The following SLC4A5 variants were observed in gnomAD, a reference collection of about 807,000 sequenced individuals.
SLC4A5 encodes the protein solute carrier family 4 member 5.
Under a neutral mutation model 120.4 loss-of-function variants are expected in SLC4A5, and 96 were observed. The ratio of observed to expected loss-of-function variants is 0.80; its 90% CI spans 0.68 to 0.94. SLC4A5 has a LOEUF of 0.94. Ranked by LOEUF, SLC4A5 falls within the 40% of genes least tolerant of loss-of-function variation. The pLI, the probability that SLC4A5 is intolerant of heterozygous loss-of-function variation, is 0.00. For synonymous variants in SLC4A5, 550 were observed against 571.1 expected, an observed-to-expected ratio of 0.96 and a Z score of 0.53; for missense variants, 1,259 against 1,459.5, an observed-to-expected ratio of 0.86 and a Z score of 2.24.
intron 11 of SLC4A5, among the ~76,000 whole-genome samples, chr2:74,261,325 A>G (rs3755438): frequency 0.36 from 54,608 of 152,070 alleles, 14,355 homozygotes; most frequent in East Asian, 0.75. Context: ...GGCATAACAA[A>G]GCTGGGGAGA....
In SLC4A5 at chr2:74,324,613, T is replaced by C. The variant is rs10210498; in HGVS notation, c.-3+3507A>G. On this transcript the variant is annotated intron_variant, in intron 5 of 30. Transcript: ENST00000394019. Reference sequence around the variant, plus strand: ...TATATTTTTTATTAAATTGGGTCAGTTGGTGATTTTTAAAAAGCTGATATC... The same window carrying C: ...TATATTTTTTATTAAATTGGGTCAGCTGGTGATTTTTAAAAAGCTGATATC... Among the ~76,000 whole-genome samples, 1,042 of 152,260 alleles carry C rather than the reference T, an allele frequency of 6.8e-3. 9 individuals are homozygous for C. Among genetic ancestry groups the C allele is most frequent in the South Asian group, 0.011 (53 of 4,822 alleles).
Position 74,262,070 on chromosome 2 carries a change from A to G in SLC4A5, c.811+67T>C, listed in dbSNP as rs981219928. 19 of 1,432,644 alleles carry G rather than the reference A, an allele frequency of 1.3e-5. No individual in the cohort carries two copies. In the African/African-American group the frequency reaches 2.4e-4, roughly 18 times the overall value. The allele number at this position is 1,432,644 out of a possible 1,614,324, so 88.7% of individuals were successfully genotyped here. On this transcript the variant is annotated intron_variant, in intron 11 of 30. Transcript: ENST00000394019. ...GGCTTTGTCTCCCCCACCTATGGCAATGTGGCCATGTCACAGCTGCCACAG... is the reference window on the plus strand; with the variant it reads ...GGCTTTGTCTCCCCCACCTATGGCAGTGTGGCCATGTCACAGCTGCCACAG...
At chr2:74,224,781 A>G in intron 28 of SLC4A5, 59 bp downstream of exon 28, 1 of 1,570,762 alleles carries the variant, frequency 6.4e-7, no homozygotes, top group East Asian at 2.2e-5. Context: ...GTCCCTGGCA[A>G]AAGTGGAGAG....
chr2:74,255,647 C>T lies in SLC4A5; in HGVS notation c.1025+128G>A, dbSNP rs981351625. On this transcript the variant is annotated intron_variant, in intron 13 of 30. Transcript: ENST00000394019. This position sits in a 1 kb window ranked among gnomAD's most constrained non-coding sequence, Gnocchi z 4.0. Reference sequence around the variant, plus strand: ...AAACTCTTCCCTAGTCAGAAGATTTCCCTTCCCAGCAGCCTCCACGTTTAG... The same window carrying T: ...AAACTCTTCCCTAGTCAGAAGATTTTCCTTCCCAGCAGCCTCCACGTTTAG... 9.1e-7 allele frequency: 1 copy of T among 1,097,466 alleles called. No individual in the cohort carries two copies. The highest frequency in any genetic ancestry group is 1.3e-6 in the Non-Finnish European group (1 of 775,984). 68.0% of individuals were successfully genotyped at this position (1,097,466 alleles called of 1,614,324 possible). A position where few individuals can be genotyped will look rare whatever the true frequency, so the allele number is the denominator to read the frequency against.
intron 12 of SLC4A5, among the ~76,000 whole-genome samples, chr2:74,257,451 C>T (rs763735297): frequency 5.9e-5 from 9 of 152,036 alleles, no homozygotes; most frequent in Non-Finnish European, 1.2e-4. Context: ...CCACCGTCTC[C>T]GAGCATCAGG....
At chr2:74,326,199 G>C (rs998488819) in intron 5 of SLC4A5, among the ~76,000 whole-genome samples, 6 of 152,162 alleles carry the variant, frequency 3.9e-5, no homozygotes, top group African/African-American at 2.4e-5. Context: ...GCTGATTTGA[G>C]TTACTTGTAT....
intron 4 of SLC4A5, among the ~76,000 whole-genome samples, chr2:74,330,335 G>A (rs1335906714): frequency 2.0e-5 from 3 of 151,026 alleles, no homozygotes; most frequent in African/African-American, 7.3e-5. Context: ...GTGAGGTCTA[G>A]ATGGTGGTGA....
In SLC4A5 at chr2:74,283,673, C is replaced by T. The variant is rs569754830; in HGVS notation, c.401+2100G>A. On this transcript the variant is annotated intron_variant, in intron 8 of 30. Transcript: ENST00000394019. ...TCAGGCTCTGGGTGTCACAGTGGCC[C>T]CCATGCAGAGACAGACCTGGGCACG... Among the ~76,000 whole-genome samples, 18 of 152,262 alleles carry T rather than the reference C, an allele frequency of 1.2e-4. 1 individual carries two copies. The highest frequency in any genetic ancestry group is 3.9e-4 in the African/African-American group (16 of 41,550).
At chr2:74,238,267 T>C (rs1670333470) in intron 21 of SLC4A5, among the ~76,000 whole-genome samples, 1 of 152,100 alleles carries the variant, frequency 6.6e-6, no homozygotes, top group Non-Finnish European at 1.5e-5. Context: ...AAATGAAGTA[T>C]ACTGTATTCA....
At chr2:74,284,162 C>CTTTTTTTTTT (rs1182761794) in intron 8 of SLC4A5, among the ~76,000 whole-genome samples, 6 of 81,086 alleles carry the variant, frequency 7.4e-5, no homozygotes, top group Non-Finnish European at 8.1e-5. Flanking sequence ...TTCCTTATTT[C>CTTTTTTTTTT]TTTTTTTTTT....
At chr2:74,341,428 TTAA>T (rs1373531669) in intron 2 of SLC4A5, among the ~76,000 whole-genome samples, 9 of 152,236 alleles carry the variant, frequency 5.9e-5, no homozygotes, top group African/African-American at 2.2e-4. Context: ...GCTTTAATTG[TTAA>T]TTAACACGCA....
intron 6 of SLC4A5, among the ~76,000 whole-genome samples, chr2:74,312,131 C>T (rs1672823110): frequency 6.6e-6 from 1 of 152,046 alleles, no homozygotes; most frequent in Admixed American, 6.6e-5. Context: ...CCTATTCTTG[C>T]TTTCTTTTGA....
chr2:74,288,737 T>C (rs1290005389), intron 7 of SLC4A5, among the ~76,000 whole-genome samples: 1 of 152,218 alleles, frequency 6.6e-6, no homozygotes, highest in African/African-American at 2.4e-5. Flanking sequence ...CCATGTGTAT[T>C]GAACATTCCA....
Position 74,304,576 on chromosome 2 carries a change from G to A in SLC4A5, c.184C>T (p.Arg62Trp), listed in dbSNP as rs139302343. ...AGTTCCTGCTGTGGCTGGTCTGGCC[G>A]CAGGCCCCAGTGGACTTTTTGCAGG... is the stretch of plus-strand genomic sequence containing the variant. Residue 62 changes from arginine to tryptophan, a missense_variant, in exon 7 of 31, where the codon CGG becomes TGG. Physicochemically the swap from Arg to Trp is moderately radical, Grantham distance 101. Coordinates refer to ENST00000394019, the Ensembl canonical transcript of SLC4A5. 87 of 1,614,030 alleles carry A rather than the reference G, an allele frequency of 5.4e-5. No individual in the cohort carries two copies. Among genetic ancestry groups the A allele is most frequent in the Non-Finnish European group, 6.7e-5 (79 of 1,180,024 alleles).
chr2:74,235,918 C>T (rs555940382), intron 21 of SLC4A5, among the ~76,000 whole-genome samples: 109 of 152,328 alleles, frequency 7.2e-4, no homozygotes, highest in Non-Finnish European at 1.1e-3. Flanking sequence ...GGTCCCCCAA[C>T]GTCTACCCTG....
At chr2:74,298,567 C>G (rs538667560) in intron 7 of SLC4A5, among the ~76,000 whole-genome samples, 2 of 152,250 alleles carry the variant, frequency 1.3e-5, no homozygotes, top group South Asian at 4.1e-4. Context: ...CAAAAATAAA[C>G]TAGTGCAACA....
rs748707005 is a variant in SLC4A5 at position 74,255,211 on chromosome 2, G to A, written c.1026-505C>T. On this transcript the variant is annotated intron_variant, in intron 13 of 30. Transcript: ENST00000394019. The surrounding 1 kb of genome is among the most constrained non-coding windows in gnomAD (Gnocchi z 4.0). ...CCCCTCCCATGAGGCTCCCCCTTGAGCATCCTCACCTTTGTCTTGCTGCCC... is the reference window on the plus strand; with the variant it reads ...CCCCTCCCATGAGGCTCCCCCTTGAACATCCTCACCTTTGTCTTGCTGCCC... 4.6e-5 allele frequency among the ~76,000 whole-genome samples: 7 copies of A among 152,128 alleles called. No individual in the cohort carries two copies. Among genetic ancestry groups the A allele is most frequent in the Non-Finnish European group, 8.8e-5 (6 of 68,020 alleles).
chr2:74,290,520 G>T (rs1046602777), intron 7 of SLC4A5: 4 of 984,976 alleles, frequency 4.1e-6, no homozygotes, highest in Non-Finnish European at 4.8e-6. Context: ...TGTGGTAAGT[G>T]TAAGTGTGAG....
At chr2:74,247,186 C>T (rs1044766943) in exon 19 of SLC4A5, 18 of 1,614,050 alleles carry the variant, frequency 1.1e-5, no homozygotes, top group East Asian at 4.5e-5. Context: ...AAGCCCTCCT[C>T]GGTGAAGCGG....
Sources: allele counts gnomAD v4.1 joint callset (sites outside exome capture counted in the v4.1 genomes callset), GRCh38; gene constraint gnomAD v4.1.1; non-coding constraint Gnocchi (gnomAD v3.1); transcripts MANE v1.5; gene names NCBI Gene and HGNC (gene_info 2026-07-23, HGNC 2026-07-21).